Variants in BLTP1 observed in about 807,000 individuals in gnomAD.
BLTP1 encodes fragile site-associated protein.
At chr4:122,324,343 A>G in the BLTP1 span, 1 of 1,357,234 alleles carries the variant, frequency 7.4e-7, no homozygotes, top group East Asian at 2.6e-5. Flanking sequence ...AACTTATTTA[A>G]TAGTAGAATA....
At chr4:122,248,670 TTTTAA>T in the BLTP1 span, among the ~76,000 whole-genome samples, 1 of 152,178 alleles carries the variant, frequency 6.6e-6, no homozygotes, top group South Asian at 2.1e-4. Context: ...GAATAAGACC[TTTTAA>T]TTATAAATGC....
the BLTP1 span, among the ~76,000 whole-genome samples, chr4:122,170,925 T>C: frequency 1.3e-5 from 2 of 152,312 alleles, no homozygotes; most frequent in African/African-American, 4.8e-5. Flanking sequence ...TGAAATGCTC[T>C]ACTTTTTCTT....
At chr4:122,229,008 TA>T in the BLTP1 span, 11 of 899,442 alleles carry the variant, frequency 1.2e-5, no homozygotes, top group Admixed American at 3.0e-4. Flanking sequence ...GACTGATTTT[TA>T]AAAAATACAT....
At chr4:122,246,208 G>T in the BLTP1 span, 1 of 1,607,000 alleles carries the variant, frequency 6.2e-7, no homozygotes, top group Non-Finnish European at 8.5e-7. Context: ...CAATAGGAAC[G>T]ACTAACCAAG....
the BLTP1 span, chr4:122,229,332 C>A: frequency 9.7e-7 from 1 of 1,028,572 alleles, no homozygotes; most frequent in Non-Finnish European, 1.3e-6. Context: ...TATAGTTTGT[C>A]ATCTCACAGA....
the BLTP1 span, chr4:122,348,994 T>G: frequency 1.6e-6 from 1 of 619,988 alleles, no homozygotes; most frequent in Non-Finnish European, 2.6e-6. Context: ...ATTATCAATG[T>G]TAATATTCAA....
the BLTP1 span, among the ~76,000 whole-genome samples, chr4:122,318,601 G>A: frequency 6.6e-6 from 1 of 152,110 alleles, no homozygotes; most frequent in African/African-American, 2.4e-5. Flanking sequence ...AGTCTCTAAT[G>A]TGAACTCTGC....
the BLTP1 span, chr4:122,308,231 G>T: frequency 6.7e-7 from 1 of 1,502,134 alleles, no homozygotes; most frequent in Non-Finnish European, 9.1e-7. Context: ...TAAGTATTTA[G>T]AATATAACAG....
At chr4:122,308,277 T>A in the BLTP1 span, 2 of 1,115,866 alleles carry the variant, frequency 1.8e-6, no homozygotes, top group South Asian at 3.0e-5. Context: ...AACTGTTTAG[T>A]AGGTAGCAAG....
the BLTP1 span, among the ~76,000 whole-genome samples, chr4:122,320,580 G>A: frequency 0.049 from 7,459 of 152,172 alleles, 259 homozygotes; most frequent in Non-Finnish European, 0.074. Context: ...AATCTGCTCT[G>A]TCTGAAATTA....
the BLTP1 span, among the ~76,000 whole-genome samples, chr4:122,332,219 T>C: frequency 3.3e-5 from 5 of 151,908 alleles, no homozygotes; most frequent in Admixed American, 1.3e-4. Context: ...TTTTTATACA[T>C]TCAAAGATTT....
chr4:122,361,260 A>G, the BLTP1 span, among the ~76,000 whole-genome samples: 4 of 152,236 alleles, frequency 2.6e-5, no homozygotes, highest in Admixed American at 2.6e-4. Context: ...ATATACGGCA[A>G]CAATAGCTTT....
the BLTP1 span, chr4:122,293,068 G>A: frequency 1.1e-4 from 105 of 944,702 alleles, no homozygotes; most frequent in African/African-American, 1.7e-3. Flanking sequence ...TATGAGGCTA[G>A]CTATAATTTC....
At chr4:122,303,576 C>T in the BLTP1 span, among the ~76,000 whole-genome samples, 1 of 152,142 alleles carries the variant, frequency 6.6e-6, no homozygotes, top group Non-Finnish European at 1.5e-5. Context: ...GAAGAGAGAA[C>T]ACTTTGATTC....
the BLTP1 span, chr4:122,281,172 A>G: frequency 1.2e-5 from 4 of 339,056 alleles, no homozygotes; most frequent in African/African-American, 8.9e-5. Flanking sequence ...TGGTGTTGTC[A>G]TTCTTAACAG....
chr4:122,352,877 G>A, the BLTP1 span: 1 of 1,611,552 alleles, frequency 6.2e-7, no homozygotes, highest in East Asian at 2.2e-5. Context: ...GGCACTTCAG[G>A]ATATGTGTTT....
the BLTP1 span, among the ~76,000 whole-genome samples, chr4:122,357,256 G>A: frequency 1.3e-5 from 2 of 152,054 alleles, no homozygotes; most frequent in Admixed American, 1.3e-4. Context: ...GTAACTTAAT[G>A]TTTACCCATT....
chr4:122,238,766 T>G, the BLTP1 span, among the ~76,000 whole-genome samples: 2 of 152,218 alleles, frequency 1.3e-5, no homozygotes, highest in African/African-American at 4.8e-5. Flanking sequence ...CCTTGGCTAT[T>G]CCTTCTCAGT....
At chr4:122,247,690 C>G in the BLTP1 span, 2 of 1,041,376 alleles carry the variant, frequency 1.9e-6, no homozygotes, top group Non-Finnish European at 2.3e-6. Flanking sequence ...TATAGTCTTT[C>G]TTATTTTTTA....
Sources: gnomAD v4.1 joint callset for allele counts (sites outside exome capture counted in the v4.1 genomes callset) on GRCh38, gnomAD v4.1.1 for gene constraint, MANE v1.5 for transcripts, NCBI Gene and HGNC (gene_info 2026-07-23, HGNC 2026-07-21) for gene names.